Variants in CSMD3 observed in about 807,000 individuals in gnomAD.
CSMD3 encodes the protein CUB and sushi domain-containing protein 3.
CSMD3 carries 177 observed loss-of-function variants against 435.2 expected under a neutral mutation model. The ratio of observed to expected loss-of-function variants is 0.41; its 90% CI spans 0.36 to 0.46. CSMD3 has a LOEUF of 0.46. Ranked by LOEUF, CSMD3 falls within the 20% of genes least tolerant of loss-of-function variation. The pLI, the probability that CSMD3 is intolerant of heterozygous loss-of-function variation, is 0.34. For missense variants in CSMD3, 4,265 were observed against 4,504.6 expected (o/e 0.95, Z 1.52); for synonymous variants, 1,656 against 1,520.5 (o/e 1.09, Z -2.07).
intron 10 of CSMD3, among the ~76,000 whole-genome samples, chr8:112,882,247 CA>C (rs779027983): frequency 2.0e-5 from 3 of 151,938 alleles, no homozygotes; most frequent in East Asian, 2.0e-4. Context: ...TGTTACTAAC[CA>C]GCAACAAGAT....
intron 3 of CSMD3, among the ~76,000 whole-genome samples, chr8:113,244,318 T>G (rs2093252961): frequency 6.6e-6 from 1 of 152,152 alleles, no homozygotes; most frequent in Non-Finnish European, 1.5e-5. Flanking sequence ...TTTACATTTT[T>G]TGTTTTGTTT....
At chr8:112,786,132 G>T (rs2078531981) in intron 13 of CSMD3, among the ~76,000 whole-genome samples, 1 of 151,928 alleles carries the variant, frequency 6.6e-6, no homozygotes, top group Non-Finnish European at 1.5e-5. Context: ...CCATACATTT[G>T]CAATGAACTC....
chr8:112,923,280 A>G (rs533561124), intron 9 of CSMD3, among the ~76,000 whole-genome samples: 2 of 152,224 alleles, frequency 1.3e-5, no homozygotes, highest in East Asian at 3.9e-4. Flanking sequence ...TTGTACTTTC[A>G]AATTTCCCAT....
intron 4 of CSMD3, among the ~76,000 whole-genome samples, chr8:113,122,442 A>T (rs553464612): frequency 6.6e-6 from 1 of 152,246 alleles, no homozygotes; most frequent in African/African-American, 2.4e-5. Flanking sequence ...GATGATAATT[A>T]TTAACATTGA....
At chr8:112,892,566 T>TTA (rs1436041826) in intron 10 of CSMD3, among the ~76,000 whole-genome samples, 14 of 151,674 alleles carry the variant, frequency 9.2e-5, no homozygotes, top group Non-Finnish European at 8.9e-5. Flanking sequence ...GAAATTTGAT[T>TTA]TATATATTAT....
intron 2 of CSMD3, among the ~76,000 whole-genome samples, chr8:113,285,180 G>T (rs974956980): frequency 6.6e-6 from 1 of 151,906 alleles, no homozygotes; most frequent in African/African-American, 2.4e-5. Context: ...AGTAGTTGTG[G>T]GTGGTAAGAA....
rs751130670 is a variant in CSMD3, at chr8:112,351,264, T to A, written c.6256-20A>T. 22 of 1,551,908 alleles carry A rather than the reference T, an allele frequency of 1.4e-5. 1 individual carries two copies. In the South Asian group the frequency reaches 2.3e-4, roughly 16 times the overall value. ...GTGACCCTACATAAACAAAATGATGTGGTTCAGTACACATACATAAAAAGT... is the reference window on the plus strand; with the variant it reads ...GTGACCCTACATAAACAAAATGATGAGGTTCAGTACACATACATAAAAAGT... On this transcript the variant is annotated intron_variant, in intron 39 of 70. Coordinates refer to ENST00000297405, the MANE Select transcript of CSMD3 (RefSeq NM_198123.2).
intron 19 of CSMD3, among the ~76,000 whole-genome samples, chr8:112,647,085 TCAAA>T (rs34599723): frequency 0.2 from 30,862 of 151,692 alleles, 3,948 homozygotes; most frequent in Non-Finnish European, 0.3. Context: ...TAGAAATAAC[TCAAA>T]CAGTCTAGTT....
chr8:112,270,712 GA>G (rs1286092223), intron 59 of CSMD3, among the ~76,000 whole-genome samples: 1 of 151,944 alleles, frequency 6.6e-6, no homozygotes, highest in African/African-American at 2.4e-5. Context: ...GTTTTTGTAA[GA>G]AAACATGCTC....
intron 17 of CSMD3, among the ~76,000 whole-genome samples, chr8:112,660,005 T>G (rs2131677230): frequency 6.6e-6 from 1 of 152,248 alleles, no homozygotes; most frequent in Admixed American, 6.5e-5. Flanking sequence ...TTTTACAAAT[T>G]TTGTTTTCAA....
chr8:113,198,485 C>T (rs1018890196), intron 3 of CSMD3, among the ~76,000 whole-genome samples: 1 of 151,192 alleles, frequency 6.6e-6, no homozygotes, highest in Non-Finnish European at 1.5e-5. Context: ...GATAAACATA[C>T]ACATACTAAA....
chr8:113,253,078 G>T (rs1216755678), intron 3 of CSMD3, among the ~76,000 whole-genome samples: 1 of 152,176 alleles, frequency 6.6e-6, no homozygotes, highest in Non-Finnish European at 1.5e-5. Flanking sequence ...TAAAAGAAAA[G>T]CACAGAATCC....
chr8:113,075,843 T>TA (rs1378251034), intron 5 of CSMD3, among the ~76,000 whole-genome samples: 1 of 151,800 alleles, frequency 6.6e-6, no homozygotes. Flanking sequence ...ATAATATACT[T>TA]AAAGAATGCA....
intron 22 of CSMD3, among the ~76,000 whole-genome samples, chr8:112,598,362 TAA>T (rs1831964149): frequency 6.6e-6 from 1 of 151,314 alleles, no homozygotes; most frequent in Non-Finnish European, 1.5e-5. Flanking sequence ...CTCGAAGAAA[TAA>T]AAGAGGATAC....
rs1431199745 is a variant in CSMD3, at chr8:112,433,426, C to T, written c.5396-24394G>A. Among the ~76,000 whole-genome samples, 3 of 150,256 alleles carry T rather than the reference C, an allele frequency of 2.0e-5. No individual in the cohort carries two copies. In the East Asian group the frequency reaches 5.9e-4, roughly 29 times the overall value. On this transcript the variant is annotated intron_variant, in intron 32 of 70. Transcript: ENST00000297405. ...ATCCCAGTACTTTGTGAGACCAATC[C>T]AGGAGGATCCTTTGAGGTCAGGAGT...
At chr8:112,929,149 G>C (rs959412332) in intron 9 of CSMD3, among the ~76,000 whole-genome samples, 2 of 143,212 alleles carry the variant, frequency 1.4e-5, no homozygotes, top group African/African-American at 5.2e-5. Context: ...GTTTTTTCTT[G>C]TAAATTTGTT....
intron 22 of CSMD3, among the ~76,000 whole-genome samples, chr8:112,610,970 A>C (rs969309918): frequency 3.9e-5 from 6 of 152,234 alleles, no homozygotes; most frequent in African/African-American, 1.4e-4. Flanking sequence ...AGTACTCAAT[A>C]ATTATATACT....
At chr8:113,019,256 A>G (rs1478330669) in intron 5 of CSMD3, 77 bp from the exon 6 acceptor site, 1 of 866,486 alleles carries the variant, frequency 1.2e-6, no homozygotes, top group Non-Finnish European at 2.0e-6. Flanking sequence ...TTGGGACCAA[A>G]CAAATGTCCA....
rs199660219 is a variant in CSMD3 at position 112,380,416 on chromosome 8, A to T, written c.6072T>A (p.Asn2024Lys). The T allele has an allele frequency of 6.2e-7, 1 of 1,602,912 alleles. No homozygotes were observed. ...IPHLLNSTSN[N>K]LYLNFQSDIS... is the part of the protein sequence containing the mutation. ...TGTCTGATTGAAAATTTAGATACAG[A>T]TTATTAGACGTACTATTCAAAAGAT... The change falls in exon 38 of 71, where the codon AAT (asparagine) becomes AAA (lysine). Residue 2024 changes from asparagine (N) to lysine (K), a missense_variant. By Grantham distance (94) the Asn-to-Lys change is moderately conservative. Around this residue, in one of 3 missense-constraint regions of CSMD3, gnomAD observed 3,255 missense variants for 3,380.2 expected, o/e 0.96. Coordinates refer to ENST00000297405, the MANE Select transcript of CSMD3 (RefSeq NM_198123.2).
Sources: allele counts gnomAD v4.1 joint callset (sites outside exome capture counted in the v4.1 genomes callset), GRCh38; gene constraint gnomAD v4.1.1; regional missense constraint gnomAD v4.1.1; transcripts MANE v1.5; gene names NCBI Gene and HGNC (gene_info 2026-07-23, HGNC 2026-07-21).